Variants in LMF1 observed in about 807,000 individuals in gnomAD.
LMF1 encodes the protein lipase maturation factor 1, also known as transmembrane protein 112.
Under a neutral mutation model 60.6 loss-of-function variants are expected in LMF1, and 68 were observed. That is an observed-to-expected ratio of 1.12 (90% CI 0.92 to 1.37). The LOEUF (loss-of-function observed/expected upper bound fraction) is 1.37. Ranked by LOEUF, LMF1 falls within the 40% of genes most tolerant of loss-of-function variation. The pLI, the probability that LMF1 is intolerant of heterozygous loss-of-function variation, is 0.00. For synonymous variants in LMF1, 418 were observed against 324.7 expected (o/e 1.29, Z -3.09); for missense variants, 948 against 767.2 (o/e 1.24, Z -2.78).
intron 4 of LMF1, among the ~76,000 whole-genome samples, chr16:908,789 G>A (rs1488880537): frequency 6.6e-6 from 1 of 152,242 alleles, no homozygotes; most frequent in African/African-American, 2.4e-5. Context: ...CACAGCCCCA[G>A]AAAACCAACC....
At chr16:970,707 CGGA>C in intron 1 of LMF1, 78 bp downstream of exon 1, 2 of 1,315,448 alleles carry the variant, frequency 1.5e-6, no homozygotes, top group South Asian at 1.4e-5. Flanking sequence ...CGAGACCGCG[CGGA>C]GGAGTCTCGA....
intron 4 of LMF1, among the ~76,000 whole-genome samples, chr16:908,167 C>G (rs1197629612): frequency 1.3e-5 from 2 of 152,232 alleles, no homozygotes; most frequent in Non-Finnish European, 2.9e-5. Context: ...TAAAACTAAG[C>G]CCTGGAAAGA....
intron 6 of LMF1, 97 bp from the exon 7 acceptor site, chr16:871,438 C>T (rs1015504140): frequency 1.6e-6 from 2 of 1,232,472 alleles, no homozygotes; most frequent in Admixed American, 2.2e-5. Flanking sequence ...GGGGAGGGAA[C>T]CTGCACCCAG....
chr16:934,454 A>G (rs1384250628), intron 2 of LMF1, 200 bp from the exon 3 acceptor site: 1 of 612,472 alleles, frequency 1.6e-6, no homozygotes, highest in East Asian at 2.8e-5. Context: ...GGCCCAGAAC[A>G]GGCAACCAAA....
At chr16:942,365 A>G (rs2072122405) in intron 2 of LMF1, among the ~76,000 whole-genome samples, 1 of 152,272 alleles carries the variant, frequency 6.6e-6, no homozygotes, top group Non-Finnish European at 1.5e-5. Context: ...ATGTGCCCAG[A>G]TAACATTTTC....
chr16:976,356 G>A (rs1567348475), intron 1 of LMF1: 2 of 454,134 alleles, frequency 4.4e-6, no homozygotes, highest in Non-Finnish European at 8.8e-6. Flanking sequence ...TGTAGTCCAG[G>A]TGTCTGGCGT....
upstream of LMF1, chr16:981,303 TGAGAGAGA>T (rs751174711): frequency 5.3e-3 from 1,127 of 213,736 alleles, 4 homozygotes; most frequent in Middle Eastern, 8.3e-3. Context: ...TGTGTGTGTG[TGAGAGAGA>T]GAGAGAGAGA....
intron 8 of LMF1, among the ~76,000 whole-genome samples, chr16:870,295 AC>A (rs2151700264): frequency 6.6e-6 from 1 of 152,264 alleles, no homozygotes. Context: ...GCCCGTGAAG[AC>A]CCAGCTGCAG....
At chr16:938,417 T>TG (rs1179993926) in intron 2 of LMF1, among the ~76,000 whole-genome samples, 1 of 149,502 alleles carries the variant, frequency 6.7e-6, no homozygotes, top group East Asian at 2.0e-4. Flanking sequence ...ACAGCAGGGA[T>TG]GGGGCTGGAT....
At chr16:858,588 T>C (rs1332602377) in intron 10 of LMF1, among the ~76,000 whole-genome samples, 1 of 65,594 alleles carries the variant, frequency 1.5e-5, no homozygotes, top group African/African-American at 7.3e-5. Context: ...GGGACGGGTG[T>C]GAGTGGTGTC....
intron 6 of LMF1, among the ~76,000 whole-genome samples, chr16:876,939 T>C (rs1225783670): frequency 6.6e-6 from 1 of 152,132 alleles, no homozygotes; most frequent in East Asian, 1.9e-4. Context: ...CGTCCAAATA[T>C]GTCAGTTGAG....
rs746641073 is a variant in LMF1 at position 869,046 on chromosome 16, T to G, written c.1427A>C (p.His476Pro). The G allele has an allele frequency of 6.2e-7, 1 of 1,611,130 alleles. No individual in the cohort carries two copies. Among genetic ancestry groups the G allele is most frequent in the Admixed American group, 1.7e-5 (1 of 60,020 alleles). ...AGCCAGGTGGATGATCCAGTCGTTG[T>G]GCTCGTAGGTCTGGGAGGAGAGGTC... ...MWFAAFQTYEHNDWIIHLAGK... is the reference protein window; with the variant it reads ...MWFAAFQTYEPNDWIIHLAGK... Residue 476 changes from histidine (H) to proline (P), a missense_variant, in exon 10 of 11, where the codon CAC becomes CCC. His to Pro is a moderately conservative substitution (Grantham distance 77, BLOSUM62 -2). Transcript: ENST00000262301.
Position 934,505 on chromosome 16 carries a change from A to T in LMF1, c.504-251T>A, listed in dbSNP as rs1446922882. On this transcript the variant is annotated intron_variant, in intron 2 of 10. Coordinates refer to ENST00000262301, the MANE Select transcript of LMF1 (RefSeq NM_022773.4). ...CACCTACTAAGTACCCATAGAAATAAAAAAATATGTATTTTGCGAATGAGT... is the reference window on the plus strand; with the variant it reads ...CACCTACTAAGTACCCATAGAAATATAAAAATATGTATTTTGCGAATGAGT... 14 of 526,820 alleles carry T rather than the reference A, an allele frequency of 2.7e-5. No individual in the cohort carries two copies. In the East Asian group the frequency reaches 4.4e-4, roughly 17 times the overall value. 32.6% of individuals were successfully genotyped at this position (526,820 alleles called of 1,614,324 possible). A position where few individuals can be genotyped will look rare whatever the true frequency, so the allele number is the denominator to read the frequency against.
At position 867,506 on chromosome 16, in the gene LMF1, G is replaced by A. The variant is rs367694989; in HGVS notation, c.1529+1438C>T. ...GACGGGGCAGTAACAGAGAAGACCCGTATTGAGCCTCGAAGGACGAGCTCT... is the reference window on the plus strand; with the variant it reads ...GACGGGGCAGTAACAGAGAAGACCCATATTGAGCCTCGAAGGACGAGCTCT... On this transcript the variant is annotated intron_variant, in intron 10 of 10. Transcript: ENST00000262301. Among the ~76,000 whole-genome samples, 20 of 152,284 alleles carry A rather than the reference G, an allele frequency of 1.3e-4. No homozygotes were observed. The South Asian group carries it at 2.1e-3, about 16-fold the overall frequency.
chr16:977,332 G>A (rs537627075), intron 1 of LMF1, among the ~76,000 whole-genome samples: 3 of 152,276 alleles, frequency 2.0e-5, no homozygotes, highest in South Asian at 4.1e-4. Context: ...GCTGACTCCC[G>A]AAGGGGGTCT....
chr16:972,609 C>T (rs138611302), upstream of LMF1, among the ~76,000 whole-genome samples: 9 of 152,204 alleles, frequency 5.9e-5, no homozygotes, highest in Non-Finnish European at 8.8e-5. Flanking sequence ...TGCTAGGGGA[C>T]GGACGGCGAG....
chr16:879,396 G>C (rs760135636), intron 6 of LMF1, among the ~76,000 whole-genome samples, 174 bp downstream of exon 6: 12 of 152,286 alleles, frequency 7.9e-5, no homozygotes, highest in Middle Eastern at 3.4e-3. Flanking sequence ...CTGCAGCCCG[G>C]GACAGGGCTG....
intron 10 of LMF1, among the ~76,000 whole-genome samples, chr16:857,097 C>A (rs570980763): frequency 6.6e-6 from 1 of 152,386 alleles, no homozygotes; most frequent in Non-Finnish European, 1.5e-5. Flanking sequence ...GTGATGGAGG[C>A]TTCCTTCCTC....
intron 5 of LMF1, among the ~76,000 whole-genome samples, chr16:888,971 C>T (rs529343727): frequency 3.3e-5 from 5 of 152,322 alleles, no homozygotes; most frequent in Admixed American, 6.5e-5. Flanking sequence ...GTCCTCACAA[C>T]GGTGCTGAGG....
Sources: gnomAD v4.1 joint callset for allele counts (sites outside exome capture counted in the v4.1 genomes callset) on GRCh38, gnomAD v4.1.1 for gene constraint, MANE v1.5 for transcripts, NCBI Gene and HGNC (gene_info 2026-07-23, HGNC 2026-07-21) for gene names.